The following TPCN1 variants were observed in gnomAD, a reference collection of about 807,000 sequenced individuals.
TPCN1 encodes the protein two pore segment channel 1.
TPCN1 carries 52 observed loss-of-function variants against 108.8 expected under a neutral mutation model. The observed-to-expected ratio is 0.48, with a 90% confidence interval of 0.38 to 0.60. The LOEUF (loss-of-function observed/expected upper bound fraction) is 0.60, where lower values mean the gene tolerates loss of function less well. Among genes scored for constraint, TPCN1 ranks in the 20% least tolerant of loss-of-function variants. The pLI is 0.00. For missense variants in TPCN1, 806 were observed against 1,072.8 expected (o/e 0.75, Z 3.47); for synonymous variants, 446 against 433.7 (o/e 1.03, Z -0.35).
chr12:113,278,042 C>G (rs1348531285), intron 12 of TPCN1, 147 bp from the exon 13 acceptor site: 2 of 630,718 alleles, frequency 3.2e-6, no homozygotes, highest in Non-Finnish European at 2.9e-6. Flanking sequence ...AAAGGATCCC[C>G]CAGCACTGCT....
Position 113,260,509 on chromosome 12 carries a change from A to T in TPCN1, c.237+17A>T, listed in dbSNP as rs761311427. 1.8e-5 allele frequency: 28 copies of T among 1,564,190 alleles called. No individual in the cohort carries two copies. The highest frequency in any genetic ancestry group is 2.8e-5 in the African/African-American group (2 of 71,236). On this transcript the variant is annotated intron_variant, in intron 3 of 27. Coordinates refer to ENST00000335509, the MANE Select transcript of TPCN1 (RefSeq NM_017901.6). ...TACCTCCAGGTGAGTATCTCCAGTC[A>T]GGCCCTGGCAGTTGTCTGCACCTGT...
At chr12:113,223,266 A>G (rs1050465820) in intron 1 of TPCN1, among the ~76,000 whole-genome samples, 4 of 152,156 alleles carry the variant, frequency 2.6e-5, no homozygotes, top group Admixed American at 2.0e-4. Context: ...GTGGATGCAC[A>G]AGGATTTGCT....
chr12:113,233,525 C>G (rs935034486), intron 2 of TPCN1, among the ~76,000 whole-genome samples: 3 of 152,232 alleles, frequency 2.0e-5, no homozygotes, highest in African/African-American at 7.2e-5. Flanking sequence ...GCCCCCACGC[C>G]GCCTTCCTGC....
At chr12:113,261,348 T>C (rs1388307804) in intron 3 of TPCN1, among the ~76,000 whole-genome samples, 1 of 151,844 alleles carries the variant, frequency 6.6e-6, no homozygotes, top group Non-Finnish European at 1.5e-5. Flanking sequence ...AATATATCTG[T>C]TTTCCAAAAA....
intron 2 of TPCN1, among the ~76,000 whole-genome samples, chr12:113,242,547 G>A (rs1593098801): frequency 6.6e-6 from 1 of 152,156 alleles, no homozygotes; most frequent in African/African-American, 2.4e-5. Flanking sequence ...ATTAATTAAC[G>A]TAAAGCCCTT....
chr12:113,227,388 C>T (rs1421757488), intron 2 of TPCN1, among the ~76,000 whole-genome samples: 7 of 152,334 alleles, frequency 4.6e-5, no homozygotes, highest in Middle Eastern at 3.4e-3. Context: ...CTGCCCGCGT[C>T]TCTTTGCTCC....
At chr12:113,230,111 C>T (rs1953629229) in intron 2 of TPCN1, among the ~76,000 whole-genome samples, 1 of 152,144 alleles carries the variant, frequency 6.6e-6, no homozygotes, top group Non-Finnish European at 1.5e-5. Flanking sequence ...CTGCTGATAA[C>T]ACCATCTCTT....
In TPCN1 at chr12:113,284,965, T is replaced by A. The variant is rs919399322; in HGVS notation, c.1453+194T>A. 6.6e-6 allele frequency among the ~76,000 whole-genome samples: 1 copy of A among 152,158 alleles called. No homozygotes were observed. The highest frequency in any genetic ancestry group is 2.4e-5 in the African/African-American group (1 of 41,442). On this transcript the variant is annotated intron_variant, in intron 17 of 27. Coordinates refer to ENST00000335509, the MANE Select transcript of TPCN1 (RefSeq NM_017901.6). The surrounding 1 kb of genome is among the most constrained non-coding windows in gnomAD (Gnocchi z 4.1). ...CGCTGCCCTCTGGATGGAGCCCAGATCCTAGGCGTGTGTGACCCTCCACTC... is the reference window on the plus strand; with the variant it reads ...CGCTGCCCTCTGGATGGAGCCCAGAACCTAGGCGTGTGTGACCCTCCACTC...
chr12:113,226,670 A>G (rs1953482119), intron 1 of TPCN1, 58 bp from the exon 2 acceptor site: 1 of 1,301,824 alleles, frequency 7.7e-7, no homozygotes, highest in South Asian at 1.5e-5. Context: ...GAATAGATTC[A>G]TCAGTCATGG....
At chr12:113,249,771 C>G (rs1954558284) in intron 2 of TPCN1, 2 of 152,310 alleles carry the variant, frequency 1.3e-5, no homozygotes, top group African/African-American at 4.8e-5. Flanking sequence ...GTTCTCATCC[C>G]CGACCATGGC....
At chr12:113,258,557 G>T (rs79479566) in intron 2 of TPCN1, among the ~76,000 whole-genome samples, 4,972 of 152,204 alleles carry the variant, frequency 0.033, 232 homozygotes, top group East Asian at 0.15. Flanking sequence ...CAAGGCAGAA[G>T]AATTGCTTGA....
At chr12:113,237,973 T>C (rs1953958276) in intron 2 of TPCN1, among the ~76,000 whole-genome samples, 1 of 152,212 alleles carries the variant, frequency 6.6e-6, no homozygotes, top group South Asian at 2.1e-4. Flanking sequence ...GTGTGGCTTC[T>C]GTTTCCGGCA....
chr12:113,285,992 C>T, intron 18 of TPCN1, 31 bp downstream of exon 18: 1 of 1,592,840 alleles, frequency 6.3e-7, no homozygotes, highest in Non-Finnish European at 8.6e-7. Flanking sequence ...TGACCCAAAG[C>T]TGAGACTCTT....
chr12:113,227,035 T>C, intron 2 of TPCN1, 71 bp downstream of exon 2: 2 of 1,311,756 alleles, frequency 1.5e-6, no homozygotes, highest in Non-Finnish European at 2.1e-6. Flanking sequence ...ATAAGCGCTT[T>C]GTGGTCTGAT....
chr12:113,234,155 T>C (rs980472947), intron 2 of TPCN1, among the ~76,000 whole-genome samples: 5 of 152,256 alleles, frequency 3.3e-5, no homozygotes, highest in African/African-American at 7.2e-5. Flanking sequence ...CCAGAGAAGC[T>C]CCGAGACAGG....
intron 23 of TPCN1, 65 bp from the exon 24 acceptor site, chr12:113,291,544 C>T: frequency 7.1e-7 from 1 of 1,411,120 alleles, no homozygotes. Flanking sequence ...CATGGAGCAG[C>T]CTGTGTAGAC....
chr12:113,288,848 G>GT lies in TPCN1; in HGVS notation c.1796+2dup, dbSNP rs745656632. On this transcript the variant is annotated splice_donor_variant, in intron 21 of 27. Coordinates refer to ENST00000335509, the MANE Select transcript of TPCN1 (RefSeq NM_017901.6). LOFTEE classifies it high-confidence loss of function. The surrounding 1 kb of genome is among the most constrained non-coding windows in gnomAD (Gnocchi z 4.8). ...GGATCGTCTTCCCCAACTGCTGCAA[G>GT]TGAGTAGGCCCCACCCAGCCCCAGG... The GT allele has an allele frequency of 6.2e-7, 1 of 1,613,514 alleles. No individual in the cohort carries two copies. The highest frequency in any genetic ancestry group is 1.3e-5 in the African/African-American group (1 of 75,068).
chr12:113,292,790 G>A (rs1404951118), intron 25 of TPCN1, 144 bp from the exon 26 acceptor site: 25 of 928,274 alleles, frequency 2.7e-5, no homozygotes, highest in Non-Finnish European at 3.7e-5. Flanking sequence ...GAGGGCCAAC[G>A]AGGAGAGCAG....
chr12:113,225,426 T>C lies in TPCN1; in HGVS notation c.-125-1302T>C, dbSNP rs548615842. 6.1e-5 allele frequency: 20 copies of C among 328,474 alleles called. No individual in the cohort carries two copies. The East Asian group carries it at 1.8e-3, about 30-fold the overall frequency. The allele number at this position is 328,474 out of a possible 1,614,324, so 20.3% of individuals were successfully genotyped here. ...TAAAGAGAAGTGGAGGTAGGACATA[T>C]TGGCCCTAATGTCACTCTCCAGACA... On this transcript the variant is annotated intron_variant, in intron 1 of 27. Transcript: ENST00000335509.
Sources: gnomAD v4.1 joint callset for allele counts (sites outside exome capture counted in the v4.1 genomes callset) on GRCh38, gnomAD v4.1.1 for gene constraint, Gnocchi (gnomAD v3.1) non-coding constraint, MANE v1.5 for transcripts, NCBI Gene and HGNC (gene_info 2026-07-23, HGNC 2026-07-21) for gene names.